Variants in LRRTM4 observed in about 807,000 individuals in gnomAD.
The protein encoded by LRRTM4 is leucine-rich repeat transmembrane neuronal protein 4.
In LRRTM4, 25 loss-of-function variants were observed where a neutral mutation model predicts 47.6. The ratio of observed to expected loss-of-function variants is 0.53; its 90% CI spans 0.38 to 0.73. The LOEUF (loss-of-function observed/expected upper bound fraction) is 0.73. LRRTM4 is among the 30% of genes least tolerant of loss of function. The pLI is 0.00. For missense variants in LRRTM4, 638 were observed against 713.4 expected, an observed-to-expected ratio of 0.89 and a Z score of 1.20; for synonymous variants, 311 against 269.5, an observed-to-expected ratio of 1.15 and a Z score of -1.51.
intron 3 of LRRTM4, among the ~76,000 whole-genome samples, chr2:77,178,365 G>T (rs2103850645): frequency 6.6e-6 from 1 of 152,144 alleles, no homozygotes; most frequent in Admixed American, 6.5e-5. Context: ...AGGTGGGCAG[G>T]TCACGAGGTC....
At chr2:77,121,501 A>T (rs749832255) in intron 3 of LRRTM4, among the ~76,000 whole-genome samples, 3 of 151,902 alleles carry the variant, frequency 2.0e-5, no homozygotes, top group African/African-American at 4.8e-5. Context: ...CTGCTCTGGA[A>T]TACCACAAAG....
chr2:77,184,382 A>T (rs1340393525), intron 3 of LRRTM4, among the ~76,000 whole-genome samples: 1 of 152,132 alleles, frequency 6.6e-6, no homozygotes, highest in African/African-American at 2.4e-5. Context: ...GCTCATGCCC[A>T]TTCCTTACCT....
At chr2:77,075,698 G>A (rs1337688795) in intron 3 of LRRTM4, among the ~76,000 whole-genome samples, 3 of 150,800 alleles carry the variant, frequency 2.0e-5, no homozygotes, top group East Asian at 1.9e-4. Context: ...GGCAGATCAC[G>A]AGGTCAGGAG....
chr2:76,930,438 C>CT (rs1254970358), intron 3 of LRRTM4, among the ~76,000 whole-genome samples: 2 of 152,138 alleles, frequency 1.3e-5, no homozygotes, highest in Non-Finnish European at 2.9e-5. Context: ...TATTTTCTTC[C>CT]TTTTTGCACA....
At chr2:76,805,260 C>T (rs1260201987) in intron 3 of LRRTM4, among the ~76,000 whole-genome samples, 1 of 151,824 alleles carries the variant, frequency 6.6e-6, no homozygotes, top group East Asian at 1.9e-4. Context: ...ATTGAGATGG[C>T]CAGGGGAAAG....
chr2:76,999,241 G>C (rs531500173), intron 3 of LRRTM4, among the ~76,000 whole-genome samples: 1 of 152,110 alleles, frequency 6.6e-6, no homozygotes, highest in South Asian at 2.1e-4. Flanking sequence ...TGGCAGCTGT[G>C]GGTATGATCC....
At chr2:77,035,330 T>A (rs1167961949) in intron 3 of LRRTM4, among the ~76,000 whole-genome samples, 11 of 151,592 alleles carry the variant, frequency 7.3e-5, no homozygotes, top group Non-Finnish European at 2.9e-5. Flanking sequence ...GTTCCCCCGA[T>A]GATAATATCT....
chr2:77,491,155 A>G (rs1678147414), intron 3 of LRRTM4, among the ~76,000 whole-genome samples: 1 of 152,148 alleles, frequency 6.6e-6, no homozygotes, highest in Admixed American at 6.5e-5. Flanking sequence ...AAGAGAACAA[A>G]TTGAAGAGAA....
intron 3 of LRRTM4, among the ~76,000 whole-genome samples, chr2:76,779,314 CTTG>C (rs1674213887): frequency 7.0e-6 from 1 of 142,006 alleles, no homozygotes; most frequent in Non-Finnish European, 1.6e-5. Context: ...CCTGGGTATC[CTTG>C]TTGACTTTCT....
At chr2:76,913,564 G>C (rs1278803224) in intron 3 of LRRTM4, among the ~76,000 whole-genome samples, 1 of 62,014 alleles carries the variant, frequency 1.6e-5, no homozygotes, top group Non-Finnish European at 2.8e-5. Flanking sequence ...TTTTGAGACA[G>C]AGTCTTGCTC....
At chr2:77,039,716 T>G (rs140522654) in intron 3 of LRRTM4, among the ~76,000 whole-genome samples, 1 of 151,302 alleles carries the variant, frequency 6.6e-6, no homozygotes, top group Non-Finnish European at 1.5e-5. Flanking sequence ...CATTAGAATG[T>G]TCCCTTTTTT....
intron 3 of LRRTM4, among the ~76,000 whole-genome samples, chr2:77,320,000 T>C (rs1024665787): frequency 6.6e-6 from 1 of 152,126 alleles, no homozygotes; most frequent in Non-Finnish European, 1.5e-5. Flanking sequence ...AAAAAGAAAA[T>C]GTAACATGCA....
rs372526841 is a variant in LRRTM4, at chr2:77,371,117, T to C, written c.1551+147201A>G. On this transcript the variant is annotated intron_variant, in intron 3 of 3. Transcript: ENST00000409884. ...TCATCCATTATTTCAATGGTCAACT[T>C]ACATATGTGAATGTACCATTAGTTA... Among the ~76,000 whole-genome samples the C allele has an allele frequency of 3.4e-4, 52 of 151,890 alleles. 1 individual carries two copies. In the South Asian group the frequency reaches 0.011, roughly 31 times the overall value.
chr2:76,993,768 G>T (rs1054165997), intron 3 of LRRTM4, among the ~76,000 whole-genome samples: 4 of 151,712 alleles, frequency 2.6e-5, no homozygotes, highest in Non-Finnish European at 5.9e-5. Flanking sequence ...GTATCTAAAG[G>T]GAAATAAATT....
At chr2:77,096,003 G>C (rs1443999495) in intron 3 of LRRTM4, among the ~76,000 whole-genome samples, 1 of 151,912 alleles carries the variant, frequency 6.6e-6, no homozygotes, top group Non-Finnish European at 1.5e-5. Flanking sequence ...CTTCAAAATT[G>C]CTTAAAAAAA....
chr2:77,434,900 T>C lies in LRRTM4; in HGVS notation c.1551+83418A>G, dbSNP rs75413890. On this transcript the variant is annotated intron_variant, in intron 3 of 3. Transcript: ENST00000409884. ...GGATAGTGATGTTGGTGAGTGAATA[T>C]GTAAACTGTAGCTATATTGAAGGTT... Among the ~76,000 whole-genome samples the C allele has an allele frequency of 8.0e-3, 1,221 of 152,228 alleles. 13 individuals are homozygous for C. The highest frequency in any genetic ancestry group is 0.028 in the African/African-American group (1,156 of 41,532).
At chr2:77,000,463 C>T (rs904729334) in intron 3 of LRRTM4, among the ~76,000 whole-genome samples, 2 of 152,190 alleles carry the variant, frequency 1.3e-5, no homozygotes, top group East Asian at 3.8e-4. Flanking sequence ...TTGGTCTTGT[C>T]AGTTGTATCT....
At chr2:77,112,924 T>C (rs1005388178) in intron 3 of LRRTM4, among the ~76,000 whole-genome samples, 12 of 152,148 alleles carry the variant, frequency 7.9e-5, no homozygotes, top group Non-Finnish European at 1.8e-4. Flanking sequence ...AAAGCTAACA[T>C]ACGAGGGAGA....
chr2:77,324,255 G>A (rs1670672534), intron 3 of LRRTM4, among the ~76,000 whole-genome samples: 2 of 152,154 alleles, frequency 1.3e-5, no homozygotes, highest in Admixed American at 1.3e-4. Flanking sequence ...GTGTATTGGA[G>A]ATGGGAAACA....
Sources: allele counts gnomAD v4.1 joint callset (sites outside exome capture counted in the v4.1 genomes callset), GRCh38; gene constraint gnomAD v4.1.1; transcripts MANE v1.5; gene names NCBI Gene and HGNC (gene_info 2026-07-23, HGNC 2026-07-21).